The following NLGN1 variants were observed in gnomAD, a reference collection of about 807,000 sequenced individuals.
NLGN1 encodes the protein neuroligin-1.
A neutral mutation model predicts 65.5 loss-of-function variants in NLGN1; 12 were observed. The ratio of observed to expected loss-of-function variants is 0.18; its 90% confidence interval spans 0.12 to 0.30. NLGN1 has a LOEUF of 0.30. NLGN1 is among the 10% of genes least tolerant of loss of function. NLGN1 has a pLI of 1.00. For missense variants in NLGN1, 750 were observed against 1,007.1 expected (o/e 0.74, Z 3.46); for synonymous variants, 350 against 359.5 (o/e 0.97, Z 0.30).
intron 4 of NLGN1, among the ~76,000 whole-genome samples, chr3:174,104,897 T>A (rs1713375521): frequency 6.6e-6 from 1 of 151,930 alleles, no homozygotes; most frequent in South Asian, 2.1e-4. Context: ...TGCTGAGGAG[T>A]TTAGACATTA....
intron 4 of NLGN1, among the ~76,000 whole-genome samples, chr3:174,229,769 GA>G (rs1376168151): frequency 6.6e-6 from 1 of 152,190 alleles, no homozygotes; most frequent in East Asian, 1.9e-4. Context: ...GCGACTATGT[GA>G]TGTTGCTTTT....
intron 2 of NLGN1, among the ~76,000 whole-genome samples, chr3:173,456,889 T>A (rs931855003): frequency 1.3e-5 from 2 of 152,072 alleles, no homozygotes; most frequent in African/African-American, 4.8e-5. Flanking sequence ...TTCTGTATGA[T>A]TTAGCTGCTC....
At chr3:173,505,257 C>T (rs1560353331) in intron 2 of NLGN1, among the ~76,000 whole-genome samples, 1 of 152,068 alleles carries the variant, frequency 6.6e-6, no homozygotes, top group Admixed American at 6.6e-5. Flanking sequence ...CCAGTTTCCA[C>T]TGCTGTAACC....
intron 4 of NLGN1, among the ~76,000 whole-genome samples, chr3:173,905,081 C>T (rs972318781): frequency 9.9e-5 from 15 of 152,102 alleles, no homozygotes; most frequent in African/African-American, 2.4e-4. Context: ...TCTGGCTACC[C>T]GCCTGATGCA....
rs564986785 is a variant in NLGN1, at chr3:173,560,166, C to T, written c.-320-44113C>T. On this transcript the variant is annotated intron_variant, in intron 2 of 6. Transcript: ENST00000457714. ...CACCGCGGTCTCGATCTCCTGACCT[C>T]GTGATCCGCCCGCCTCGGCCTCCCA... Among the ~76,000 whole-genome samples, 35 of 152,034 alleles carry T rather than the reference C, an allele frequency of 2.3e-4. No homozygotes were observed. In the East Asian group the frequency reaches 4.6e-3, roughly 20 times the overall value.
At chr3:173,878,700 A>G (rs994077644) in intron 4 of NLGN1, among the ~76,000 whole-genome samples, 1 of 151,068 alleles carries the variant, frequency 6.6e-6, no homozygotes, top group East Asian at 1.9e-4. Flanking sequence ...ATATATACAC[A>G]TACATATATA....
intron 2 of NLGN1, among the ~76,000 whole-genome samples, chr3:173,560,725 A>G (rs927173156): frequency 2.6e-5 from 4 of 152,216 alleles, no homozygotes; most frequent in African/African-American, 7.2e-5. Flanking sequence ...AAATAAATAA[A>G]TGACTCAAGA....
intron 2 of NLGN1, among the ~76,000 whole-genome samples, chr3:173,444,973 A>AC (rs1719910480): frequency 6.6e-6 from 1 of 151,672 alleles, no homozygotes; most frequent in Non-Finnish European, 1.5e-5. Flanking sequence ...TTAAAAAAAA[A>AC]ACAAGGACTT....
At chr3:174,150,018 C>T (rs985862123) in intron 4 of NLGN1, among the ~76,000 whole-genome samples, 5 of 152,064 alleles carry the variant, frequency 3.3e-5, no homozygotes, top group Non-Finnish European at 7.4e-5. Context: ...TACTACTTTT[C>T]CCTGAAAGAA....
intron 2 of NLGN1, among the ~76,000 whole-genome samples, chr3:173,474,054 G>A (rs1725770624): frequency 6.6e-6 from 1 of 152,176 alleles, no homozygotes; most frequent in South Asian, 2.1e-4. Flanking sequence ...CCAGGTCTCA[G>A]TTGAACTTTT....
At chr3:173,413,763 G>A (rs1713088207) in intron 1 of NLGN1, among the ~76,000 whole-genome samples, 1 of 152,116 alleles carries the variant, frequency 6.6e-6, no homozygotes, top group Admixed American at 6.5e-5. Flanking sequence ...GAGAAGTTCA[G>A]GGCCAGAGCA....
chr3:173,786,392 C>G (rs961189893), intron 3 of NLGN1, among the ~76,000 whole-genome samples: 1 of 152,058 alleles, frequency 6.6e-6, no homozygotes, highest in East Asian at 1.9e-4. Context: ...CCCTGCTCTT[C>G]TGATTAACAA....
chr3:173,790,000 T>G (rs1360850834), intron 3 of NLGN1: 1 of 402,046 alleles, frequency 2.5e-6, no homozygotes, highest in East Asian at 7.9e-5. Flanking sequence ...TAACCATGCC[T>G]TTCTTTCCTC....
chr3:174,213,368 CAT>C (rs1444617943), intron 4 of NLGN1, among the ~76,000 whole-genome samples: 2 of 152,092 alleles, frequency 1.3e-5, no homozygotes, highest in Non-Finnish European at 2.9e-5. Context: ...AAGATAAACA[CAT>C]GTCAAATATT....
chr3:173,483,759 A>G (rs1270327346), intron 2 of NLGN1, among the ~76,000 whole-genome samples: 1 of 152,188 alleles, frequency 6.6e-6, no homozygotes, highest in Non-Finnish European at 1.5e-5. Context: ...GTTCACTAGG[A>G]AGATACAGAA....
chr3:173,835,117 G>A (rs1168408986), intron 4 of NLGN1, among the ~76,000 whole-genome samples: 2 of 152,114 alleles, frequency 1.3e-5, no homozygotes, highest in African/African-American at 4.8e-5. Context: ...TATTTCTTTT[G>A]TCTCTTTGTA....
intron 1 of NLGN1, among the ~76,000 whole-genome samples, chr3:173,401,201 A>G (rs1351710615): frequency 1.3e-5 from 2 of 151,956 alleles, no homozygotes; most frequent in Non-Finnish European, 2.9e-5. Flanking sequence ...CTTGGCCTCT[A>G]TCCACCAGAT....
intron 4 of NLGN1, among the ~76,000 whole-genome samples, chr3:173,957,183 G>GA (rs1344347809): frequency 1.3e-5 from 2 of 152,016 alleles, no homozygotes; most frequent in African/African-American, 4.8e-5. Context: ...GTCTTTCTGA[G>GA]AAAATCAAAT....
At position 173,782,927 on chromosome 3, in the gene NLGN1, C is replaced by T. The variant is rs191338328; in HGVS notation, c.494-24753C>T. ...AATACATGTACTAATACAAAGAGAT[C>T]TCCTGAATATATTGTTGAGTTAAAA... On this transcript the variant is annotated intron_variant, in intron 3 of 6. Transcript: ENST00000457714. Among the ~76,000 whole-genome samples, 27 of 151,386 alleles carry T rather than the reference C, an allele frequency of 1.8e-4. No homozygotes were observed. In the East Asian group the frequency reaches 3.7e-3, roughly 21 times the overall value.
Sources: gnomAD v4.1 joint callset for allele counts (sites outside exome capture counted in the v4.1 genomes callset) on GRCh38, gnomAD v4.1.1 for gene constraint, MANE v1.5 for transcripts, NCBI Gene and HGNC (gene_info 2026-07-23, HGNC 2026-07-21) for gene names.